Variants in C19orf18 observed in about 807,000 individuals in gnomAD.
C19orf18 encodes chromosome 19 open reading frame 18, also known as uncharacterized protein C19orf18.
C19orf18 carries 21 observed loss-of-function variants against 23.3 expected under a neutral mutation model. The observed-to-expected ratio is 0.90, with a 90% CI of 0.64 to 1.30. C19orf18 has a LOEUF of 1.30. Among genes scored for constraint, C19orf18 ranks in the 50% most tolerant of loss-of-function variants. C19orf18 has a pLI of 0.00. For missense variants in C19orf18, 249 were observed against 259.6 expected (o/e 0.96, Z 0.28); for synonymous variants, 96 against 95.2 (o/e 1.01, Z -0.05).
In C19orf18 at chr19:57,974,302, T is replaced by C. The variant is rs1181592033; in HGVS notation, c.121+10A>G. The C allele has an allele frequency of 3.7e-6, 6 of 1,614,040 alleles. No individual in the cohort carries two copies. The highest frequency in any genetic ancestry group is 2.7e-5 in the African/African-American group (2 of 74,922). ...TCCCTGAGTCACATAAAACCAGTGG[T>C]TGAAGCTACCTGGTAAGCCTGTTAT... On this transcript the variant is annotated intron_variant, in intron 1 of 5. Coordinates refer to ENST00000314391, the MANE Select transcript of C19orf18 (RefSeq NM_152474.5).
intron 2 of C19orf18, 129 bp from the exon 3 acceptor site, chr19:57,972,633 G>A (rs568011410): frequency 3.0e-5 from 31 of 1,018,778 alleles, no homozygotes; most frequent in Non-Finnish European, 4.4e-5. Flanking sequence ...TATCTAAGAT[G>A]GGATGTGTTA....
At chr19:57,965,344 AG>A (rs1251793280) in intron 4 of C19orf18, among the ~76,000 whole-genome samples, 1 of 152,038 alleles carries the variant, frequency 6.6e-6, no homozygotes, top group African/African-American at 2.4e-5. Context: ...TATATTGGCC[AG>A]GCTAGTCTTG....
At chr19:57,961,200 A>G (rs1183986391) in intron 5 of C19orf18, among the ~76,000 whole-genome samples, 191 bp downstream of exon 5, 1 of 151,936 alleles carries the variant, frequency 6.6e-6, no homozygotes, top group Non-Finnish European at 1.5e-5. Flanking sequence ...GCGCCACTGC[A>G]CTCCAGCCTG....
chr19:57,969,120 C>T (rs1431321570), intron 3 of C19orf18, among the ~76,000 whole-genome samples: 1 of 152,136 alleles, frequency 6.6e-6, no homozygotes. Context: ...CTGGTGTACC[C>T]GTGTGTGGTG....
intron 5 of C19orf18, among the ~76,000 whole-genome samples, chr19:57,959,835 A>G (rs2072853206): frequency 6.8e-6 from 1 of 146,212 alleles, no homozygotes; most frequent in South Asian, 2.2e-4. Context: ...AAAGGCCAGG[A>G]GCGGTGGCTC....
At position 57,974,524 on chromosome 19, in the gene C19orf18, G is replaced by A. The variant is rs2072969912; in HGVS notation, c.-92C>T. The A allele has an allele frequency of 3.3e-6, 5 of 1,508,880 alleles. No homozygotes were observed. The South Asian group carries it at 6.0e-5, about 18-fold the overall frequency. 93.5% of individuals were successfully genotyped at this position (1,508,880 alleles called of 1,614,324 possible). On this transcript the variant is annotated 5_prime_UTR_variant, in exon 1 of 6. Coordinates refer to ENST00000314391, the MANE Select transcript of C19orf18 (RefSeq NM_152474.5). Reference sequence around the variant, plus strand: ...GTCCTCTATTTATCTGAGGAATCAAGAAGTTCTACTCCCTTCAGAATGTTT... The same window carrying A: ...GTCCTCTATTTATCTGAGGAATCAAAAAGTTCTACTCCCTTCAGAATGTTT...
chr19:57,959,792 CT>C lies in C19orf18; in HGVS notation c.533-1076del, dbSNP rs1353251797. On this transcript the variant is annotated intron_variant, in intron 5 of 5. Transcript: ENST00000314391. ...CCTGGGTGACGTAGTGAAACTCTGC[CT>C]CAAAAAAAAAAAAAAAAAGAAAAAA... is the stretch of plus-strand genomic sequence containing the variant. Among the ~76,000 whole-genome samples the C allele has an allele frequency of 2.4e-4, 24 of 99,806 alleles. No individual in the cohort carries two copies. The South Asian group carries it at 6.8e-3, about 28-fold the overall frequency. 65.5% of individuals were successfully genotyped at this position (99,806 alleles called of 152,430 possible).
At chr19:57,959,102 G>A (rs1056876505) in intron 5 of C19orf18, among the ~76,000 whole-genome samples, 2 of 152,182 alleles carry the variant, frequency 1.3e-5, no homozygotes, top group African/African-American at 2.4e-5. Context: ...TTTAGAGAGT[G>A]AGTCCATGTG....
At chr19:57,962,017 C>CCTTTCT (rs1297352022) in intron 4 of C19orf18, among the ~76,000 whole-genome samples, 1 of 147,592 alleles carries the variant, frequency 6.8e-6, no homozygotes, top group African/African-American at 2.5e-5. Flanking sequence ...TGTATCTCTC[C>CCTTTCT]CTTTCTCTTT....
chr19:57,972,372 TGGTGAC>T (rs1321206279), intron 3 of C19orf18, 85 bp downstream of exon 3: 2 of 1,476,064 alleles, frequency 1.4e-6, no homozygotes, highest in African/African-American at 2.8e-5. Flanking sequence ...GCAGGCTCCT[TGGTGAC>T]CAGCCAGCAC....
At chr19:57,962,410 C>T (rs1437165745) in intron 4 of C19orf18, among the ~76,000 whole-genome samples, 3 of 152,038 alleles carry the variant, frequency 2.0e-5, no homozygotes, top group African/African-American at 7.3e-5. Flanking sequence ...CAAAATAGGA[C>T]AGAATGGGTG....
chr19:57,972,910 C>T (rs1029913103), intron 2 of C19orf18, among the ~76,000 whole-genome samples: 4 of 151,884 alleles, frequency 2.6e-5, no homozygotes, highest in African/African-American at 7.2e-5. Context: ...TGCCTGTAAT[C>T]CCAGCGAGGA....
intron 4 of C19orf18, 86 bp downstream of exon 4, chr19:57,966,444 A>G (rs1317046851): frequency 1.1e-6 from 1 of 872,192 alleles, no homozygotes; most frequent in Non-Finnish European, 1.8e-6. Context: ...AAGATGTATC[A>G]TCATCATCCT....
At chr19:57,973,007 G>A (rs146427265) in intron 2 of C19orf18, among the ~76,000 whole-genome samples, 1,829 of 151,908 alleles carry the variant, frequency 0.012, 97 homozygotes, top group East Asian at 0.096. Context: ...AATTAGCTGG[G>A]CATGGTGGCA....
intron 3 of C19orf18, among the ~76,000 whole-genome samples, chr19:57,969,425 C>T (rs2072928704): frequency 6.6e-6 from 1 of 150,840 alleles, no homozygotes; most frequent in Non-Finnish European, 1.5e-5. Flanking sequence ...TGTGGTGGTG[C>T]ACACCTGCAA....
In C19orf18 at chr19:57,971,965, T is replaced by C. The variant is rs904261706; in HGVS notation, c.268+498A>G. Among the ~76,000 whole-genome samples the C allele has an allele frequency of 3.3e-5, 5 of 151,920 alleles. No homozygotes were observed. In the East Asian group the frequency reaches 7.7e-4, roughly 23 times the overall value. On this transcript the variant is annotated intron_variant, in intron 3 of 5. Coordinates refer to ENST00000314391, the MANE Select transcript of C19orf18 (RefSeq NM_152474.5). ...AAATGCTGGCTACATGTGAAAGCAG[T>C]GGAGATGGGTAGGTGGTGGGGGAGC...
At chr19:57,969,371 A>G (rs570109118) in intron 3 of C19orf18, among the ~76,000 whole-genome samples, 131 of 151,712 alleles carry the variant, frequency 8.6e-4, no homozygotes, top group South Asian at 5.4e-3. Context: ...CCTGGCCAAC[A>G]TGGTGAAACC....
Position 57,966,546 on chromosome 19 carries a change from T to C in C19orf18, c.355A>G (p.Ile119Val), listed in dbSNP as rs141757302. Residue 119 changes from isoleucine (I) to valine (V), a missense_variant, in exon 4 of 6, where the codon ATC becomes GTC. Physicochemically the swap from Ile to Val is conservative, Grantham distance 29. Coordinates refer to ENST00000314391, the MANE Select transcript of C19orf18 (RefSeq NM_152474.5). Reference protein sequence around the residue: ...FSIALICGMAISYMIYRLAQA... With the variant: ...FSIALICGMAVSYMIYRLAQA... ...GATACTTACTATATCATATAGGAGA[T>C]TGCCATCCCACATATCAGGGCAATG... The C allele has an allele frequency of 2.0e-5, 32 of 1,605,938 alleles. No individual in the cohort carries two copies. The Admixed American group carries it at 2.7e-4, about 13-fold the overall frequency.
chr19:57,971,516 G>A (rs1029885279), intron 3 of C19orf18, among the ~76,000 whole-genome samples: 3 of 151,992 alleles, frequency 2.0e-5, no homozygotes, highest in African/African-American at 7.3e-5. Flanking sequence ...TGTTGCCCAG[G>A]CTAGAGTGCA....
Sources: allele counts gnomAD v4.1 joint callset (sites outside exome capture counted in the v4.1 genomes callset), GRCh38; gene constraint gnomAD v4.1.1; transcripts MANE v1.5; gene names NCBI Gene and HGNC (gene_info 2026-07-23, HGNC 2026-07-21).